HACD2: variants seen among roughly 807,000 people sequenced by gnomAD.
The protein encoded by HACD2 is 3-hydroxyacyl-CoA dehydratase 2.
HACD2 carries 15 observed loss-of-function variants against 31.0 expected under a neutral mutation model. That is an observed-to-expected ratio of 0.48 (90% confidence interval 0.32 to 0.75). The LOEUF is 0.75. Among genes scored for constraint, HACD2 ranks in the 30% least tolerant of loss-of-function variants. The pLI, the probability that HACD2 is intolerant of heterozygous loss-of-function variation, is 0.03. For missense variants in HACD2, 283 were observed against 313.0 expected (o/e 0.90, Z 0.72); for synonymous variants, 115 against 122.2 (o/e 0.94, Z 0.39).
At chr3:123,563,064 C>G in intron 3 of HACD2, among the ~76,000 whole-genome samples, 1 of 152,224 alleles carries the variant, frequency 6.6e-6, no homozygotes, top group Non-Finnish European at 1.5e-5. Flanking sequence ...ATTCACCAAA[C>G]TCCTGCTAGG....
chr3:123,567,769 A>G lies in HACD2; in HGVS notation c.285T>C (p.Cys95=). Residue 95 remains cysteine (C), a synonymous_variant, in exon 3 of 7, where the codon TGT becomes TGC. Transcript: ENST00000383657. The part of the protein sequence containing the change: ...QTGALLEILH[C]AIGIVPSSVV... ...GGGAATATCCATACTTACCTATAGCACAATGTAAAATCTAGAGGAAAAAAG... is the reference window on the plus strand; with the variant it reads ...GGGAATATCCATACTTACCTATAGCGCAATGTAAAATCTAGAGGAAAAAAG... 6.6e-7 allele frequency: 1 copy of G among 1,504,308 alleles called. No homozygotes were observed. Among genetic ancestry groups the G allele is most frequent in the Non-Finnish European group, 9.0e-7 (1 of 1,117,016 alleles). 93.2% of individuals were successfully genotyped at this position (1,504,308 alleles called of 1,614,324 possible).
chr3:123,524,898 T>C (rs551974563), intron 4 of HACD2, among the ~76,000 whole-genome samples: 1 of 152,366 alleles, frequency 6.6e-6, no homozygotes, highest in Admixed American at 6.5e-5. Flanking sequence ...ATAGTCACTT[T>C]GCTGCTGTAG....
intron 3 of HACD2, among the ~76,000 whole-genome samples, chr3:123,550,338 C>A (rs1576772352): frequency 1.3e-5 from 2 of 151,932 alleles, no homozygotes; most frequent in Admixed American, 1.3e-4. Context: ...GAGAAGGAAC[C>A]ACTAGAGAAG....
chr3:123,507,787 A>G (rs2055996915), intron 4 of HACD2, among the ~76,000 whole-genome samples: 1 of 152,222 alleles, frequency 6.6e-6, no homozygotes, highest in Admixed American at 6.5e-5. Flanking sequence ...GGTGATGGAA[A>G]TGTTCTAAAG....
intron 2 of HACD2, among the ~76,000 whole-genome samples, chr3:123,572,253 C>T (rs1033083799): frequency 3.3e-5 from 5 of 152,182 alleles, no homozygotes; most frequent in African/African-American, 1.2e-4. Flanking sequence ...TACCTGTAAT[C>T]TTAACACTTT....
intron 3 of HACD2, among the ~76,000 whole-genome samples, chr3:123,546,837 C>T (rs1016199571): frequency 2.6e-5 from 4 of 151,994 alleles, no homozygotes; most frequent in African/African-American, 4.8e-5. Flanking sequence ...TTAAAAGAAG[C>T]CATTTCAATT....
chr3:123,551,335 T>C (rs907535008), intron 3 of HACD2, among the ~76,000 whole-genome samples: 3 of 152,060 alleles, frequency 2.0e-5, no homozygotes, highest in East Asian at 1.9e-4. Context: ...ATGATAAATA[T>C]AGGCCGGGCA....
At chr3:123,541,741 T>C (rs1326265318) in intron 3 of HACD2, among the ~76,000 whole-genome samples, 1 of 152,170 alleles carries the variant, frequency 6.6e-6, no homozygotes, top group Non-Finnish European at 1.5e-5. Flanking sequence ...ACGTTTAACA[T>C]TTGGTGGTCA....
intron 3 of HACD2, among the ~76,000 whole-genome samples, chr3:123,564,406 C>T (rs955634504): frequency 7.9e-5 from 12 of 152,078 alleles, no homozygotes. Flanking sequence ...AGAAAAGCAC[C>T]CAAAGAAAGA....
Position 123,508,631 on chromosome 3 carries a change from C to T in HACD2, c.382-5950G>A, listed in dbSNP as rs115596049. ...GGTTATTTCAAAGAAATTCCCTGAC[C>T]AAGCTTTACAGCAAGCATTCTTTCC... On this transcript the variant is annotated intron_variant, in intron 4 of 6. Coordinates refer to ENST00000383657, the MANE Select transcript of HACD2 (RefSeq NM_198402.5). 4.3e-3 allele frequency among the ~76,000 whole-genome samples: 659 copies of T among 152,304 alleles called. 2 individuals are homozygous for T. Among genetic ancestry groups the T allele is most frequent in the Admixed American group, 8.4e-3 (129 of 15,290 alleles).
At position 123,535,086 on chromosome 3, in the gene HACD2, T is replaced by C. The variant is rs1007863698; in HGVS notation, c.293-6612A>G. On this transcript the variant is annotated intron_variant, in intron 3 of 6. Transcript: ENST00000383657. ...TGTACAGGGTTCATAAAGTCTACAG[T>C]AGTACACAGCAATGTCCTAGGCCTT... Among the ~76,000 whole-genome samples the C allele has an allele frequency of 5.3e-5, 8 of 152,198 alleles. No homozygotes were observed. In the South Asian group the frequency reaches 1.7e-3, roughly 32 times the overall value.
At chr3:123,531,883 A>T (rs914745443) in intron 3 of HACD2, among the ~76,000 whole-genome samples, 2 of 152,210 alleles carry the variant, frequency 1.3e-5, no homozygotes, top group African/African-American at 4.8e-5. Flanking sequence ...TCTTGATACT[A>T]TAAATGAAGT....
In HACD2 at chr3:123,585,008, G is replaced by A; in HGVS notation, c.20C>T (p.Thr7Ile). MAAVAA[T>I]AAAKGNGGGG... Reference sequence around the variant, plus strand: ...GCCCCCATTCCCCTTCGCTGCTGCAGTCGCCGCCACTGCCGCCATGTCAAG... The same window carrying A: ...GCCCCCATTCCCCTTCGCTGCTGCAATCGCCGCCACTGCCGCCATGTCAAG... The change falls in exon 1 of 7, where the codon ACT becomes ATT. Residue 7 changes from threonine to isoleucine, a missense_variant. By Grantham distance (89) the Thr-to-Ile change is moderately conservative. Transcript: ENST00000383657. 6.6e-7 allele frequency: 1 copy of A among 1,511,862 alleles called. No homozygotes were observed. 93.7% of individuals were successfully genotyped at this position (1,511,862 alleles called of 1,614,324 possible).
At chr3:123,500,049 ATTT>A (rs1307648169) in intron 6 of HACD2, among the ~76,000 whole-genome samples, 1 of 152,236 alleles carries the variant, frequency 6.6e-6, no homozygotes, top group Non-Finnish European at 1.5e-5. Flanking sequence ...ATCTATTATT[ATTT>A]TGTTATGTTT....
At position 123,493,652 on chromosome 3, in the gene HACD2, C is replaced by T. The variant is rs1034219758; in HGVS notation, c.*1236G>A. 8 of 152,044 alleles carry T rather than the reference C, an allele frequency of 5.3e-5. No homozygotes were observed. The highest frequency in any genetic ancestry group is 2.1e-4 in the South Asian group (1 of 4,820). The allele number at this position is 152,044 out of a possible 1,614,324, so 9.4% of individuals were successfully genotyped here. A position where few individuals can be genotyped will look rare whatever the true frequency, so the allele number is the denominator to read the frequency against. On this transcript the variant is annotated 3_prime_UTR_variant, in exon 7 of 7. Transcript: ENST00000383657. Reference sequence around the variant, plus strand: ...CCTACAGTTGCAGTACCAATCCTTTCTTGAGGAGTTTTAAATGCATGGTTG... The same window carrying T: ...CCTACAGTTGCAGTACCAATCCTTTTTTGAGGAGTTTTAAATGCATGGTTG...
At chr3:123,564,067 G>A (rs577115442) in intron 3 of HACD2, among the ~76,000 whole-genome samples, 3 of 152,338 alleles carry the variant, frequency 2.0e-5, no homozygotes, top group African/African-American at 4.8e-5. Context: ...CGGTGAGAGA[G>A]GAGCATACAC....
At position 123,492,642 on chromosome 3, in the gene HACD2, C is replaced by G. The variant is rs1052819498; in HGVS notation, c.*2246G>C. ...TGCCAAAGTTCAATTCAATGCAACA[C>G]CACTGTTTGCAACAGAATGTTTTTT... is the stretch of plus-strand genomic sequence containing the variant. On this transcript the variant is annotated 3_prime_UTR_variant, in exon 7 of 7. Coordinates refer to ENST00000383657, the MANE Select transcript of HACD2 (RefSeq NM_198402.5). 3.7e-4 allele frequency: 57 copies of G among 152,242 alleles called. No homozygotes were observed. The highest frequency in any genetic ancestry group is 1.3e-3 in the African/African-American group (55 of 41,540). 9.4% of individuals were successfully genotyped at this position (152,242 alleles called of 1,614,324 possible).
chr3:123,543,873 G>A (rs1279020916), intron 3 of HACD2, among the ~76,000 whole-genome samples: 1 of 152,086 alleles, frequency 6.6e-6, no homozygotes, highest in Non-Finnish European at 1.5e-5. Context: ...ATGTTACAGT[G>A]ACATTTAAAT....
At position 123,500,696 on chromosome 3, in the gene HACD2, A is replaced by G; in HGVS notation, c.504-3T>C. ...ACAGCACAATGAAAAGTGTGTACCT[A>G]AAACAAAACAAAATATTCATTACTG... On this transcript the variant is annotated splice_polypyrimidine_tract_variant and splice_region_variant and intron_variant, in intron 5 of 6. Transcript: ENST00000383657. 1.3e-6 allele frequency: 2 copies of G among 1,582,562 alleles called. No homozygotes were observed. The highest frequency in any genetic ancestry group is 1.7e-6 in the Non-Finnish European group (2 of 1,168,062).
Sources: allele counts gnomAD v4.1 joint callset (sites outside exome capture counted in the v4.1 genomes callset), GRCh38; gene constraint gnomAD v4.1.1; transcripts MANE v1.5; gene names NCBI Gene and HGNC (gene_info 2026-07-23, HGNC 2026-07-21).